TCF7L2: variants seen among roughly 807,000 people sequenced by gnomAD.
TCF7L2 encodes transcription factor 7-like 2.
In TCF7L2, 23 loss-of-function variants were observed where a neutral mutation model predicts 77.9. That is an observed-to-expected ratio of 0.30 (90% CI 0.21 to 0.42). The LOEUF (loss-of-function observed/expected upper bound fraction) is 0.42. Among genes scored for constraint, TCF7L2 ranks in the 10% least tolerant of loss-of-function variants. TCF7L2 has a pLI of 1.00. For synonymous variants in TCF7L2, 413 were observed against 340.2 expected (o/e 1.21, Z -2.36); for missense variants, 654 against 793.1 (o/e 0.82, Z 2.11).
In TCF7L2 at chr10:113,166,345, C is replaced by G. The variant is rs2074038909; in HGVS notation, c.*373C>G. 1 of 235,948 alleles carries G rather than the reference C, an allele frequency of 4.2e-6. No homozygotes were observed. Among genetic ancestry groups the G allele is most frequent in the Admixed American group, 5.6e-5 (1 of 17,820 alleles). The allele number at this position is 235,948 out of a possible 1,614,324, so 14.6% of individuals were successfully genotyped here. ...AAAAAGCAATTTTGAAGCAGCCCTC[C>G]AGAAGGAGTTGGTTCTGTATTATTT... On this transcript the variant is annotated 3_prime_UTR_variant, in exon 14 of 14. Coordinates refer to ENST00000627217, the MANE Select transcript of TCF7L2 (RefSeq NM_001146274.2).
At chr10:113,031,132 G>C (rs146120397) in intron 4 of TCF7L2, among the ~76,000 whole-genome samples, 1 of 152,208 alleles carries the variant, frequency 6.6e-6, no homozygotes, top group Non-Finnish European at 1.5e-5. Flanking sequence ...CCTCATAACT[G>C]TGTATAACTA....
intron 5 of TCF7L2, among the ~76,000 whole-genome samples, chr10:113,092,709 CA>C (rs1372669809): frequency 6.6e-6 from 1 of 152,070 alleles, no homozygotes; most frequent in African/African-American, 2.4e-5. Flanking sequence ...ACTAAAAATA[CA>C]AAAATTAACC....
chr10:113,104,941 G>T (rs1773760011), intron 5 of TCF7L2, among the ~76,000 whole-genome samples: 1 of 152,200 alleles, frequency 6.6e-6, no homozygotes. Flanking sequence ...ATATCAGATT[G>T]CTGGCTGATA....
At chr10:112,992,570 G>A (rs977308877) in intron 4 of TCF7L2, among the ~76,000 whole-genome samples, 8 of 152,078 alleles carry the variant, frequency 5.3e-5, no homozygotes, top group East Asian at 1.9e-4. Flanking sequence ...CTAAGATTGC[G>A]TTATCTTTAC....
At chr10:113,152,097 C>T (rs2070866052) in intron 10 of TCF7L2, among the ~76,000 whole-genome samples, 1 of 152,144 alleles carries the variant, frequency 6.6e-6, no homozygotes, top group African/African-American at 2.4e-5. Context: ...TTCCCCTACC[C>T]GAGCGAGTGA....
intron 3 of TCF7L2, among the ~76,000 whole-genome samples, chr10:112,955,834 C>T (rs949613765): frequency 3.3e-5 from 5 of 151,864 alleles, no homozygotes; most frequent in African/African-American, 1.2e-4. Flanking sequence ...GTTCTGCACG[C>T]CATTGAAAAA....
intron 5 of TCF7L2, among the ~76,000 whole-genome samples, chr10:113,087,219 T>G (rs941120737): frequency 6.6e-6 from 1 of 152,200 alleles, no homozygotes; most frequent in Non-Finnish European, 1.5e-5. Context: ...ATGTACAATT[T>G]CCTCTAAGAG....
At chr10:113,089,377 T>G in intron 5 of TCF7L2, 6 of 1,610,212 alleles carry the variant, frequency 3.7e-6, no homozygotes, top group Non-Finnish European at 5.1e-6. Context: ...CCTTACTCTG[T>G]TCCCCTTTCT....
intron 5 of TCF7L2, among the ~76,000 whole-genome samples, chr10:113,111,393 C>A (rs2063111911): frequency 6.6e-6 from 1 of 152,156 alleles, no homozygotes. Context: ...TTTATTGAAT[C>A]AGTGAATGAA....
intron 8 of TCF7L2, among the ~76,000 whole-genome samples, chr10:113,147,499 ATTAG>A (rs955759778): frequency 1.6e-4 from 24 of 152,184 alleles, no homozygotes; most frequent in Non-Finnish European, 3.1e-4. Flanking sequence ...CCATGCCAGT[ATTAG>A]TTAGGTAGGA....
chr10:113,038,967 A>G (rs1477035413), intron 4 of TCF7L2, among the ~76,000 whole-genome samples: 4 of 152,202 alleles, frequency 2.6e-5, no homozygotes, highest in Non-Finnish European at 2.9e-5. Context: ...GTGTCTCCTT[A>G]TATCTTATAT....
chr10:113,166,098 A>G lies in TCF7L2; in HGVS notation c.*126A>G. ...TAATTTTGTGCCATGTGGCTACATT[A>G]GTTGATGTTTATCGAGTTCATTGGT... On this transcript the variant is annotated 3_prime_UTR_variant, in exon 14 of 14. Transcript: ENST00000627217. 1 of 819,348 alleles carries G rather than the reference A, an allele frequency of 1.2e-6. No individual in the cohort carries two copies. The highest frequency in any genetic ancestry group is 2.5e-4 in the Middle Eastern group (1 of 4,046). The allele number at this position is 819,348 out of a possible 1,614,324, so 50.8% of individuals were successfully genotyped here.
At chr10:113,156,677 A>G (rs928255949) in intron 11 of TCF7L2, among the ~76,000 whole-genome samples, 18 of 152,340 alleles carry the variant, frequency 1.2e-4, no homozygotes, top group Admixed American at 2.0e-4. Flanking sequence ...GAGCAGATGG[A>G]TCAGGTTGGA....
Position 113,166,527 on chromosome 10 carries a change from G to A in TCF7L2, c.*555G>A, listed in dbSNP as rs368580149. ...TATTGTTTAAATGTACAGAAACAAA[G>A]GGTAAAAATGTGTTAATATACCTTG... On this transcript the variant is annotated 3_prime_UTR_variant, in exon 14 of 14. Transcript: ENST00000627217. 3.5e-5 allele frequency: 7 copies of A among 200,204 alleles called. No homozygotes were observed. The South Asian group carries it at 1.2e-3, about 35-fold the overall frequency. The allele number at this position is 200,204 out of a possible 1,614,324, so 12.4% of individuals were successfully genotyped here. A position where few individuals can be genotyped will look rare whatever the true frequency, so the allele number is the denominator to read the frequency against.
chr10:113,128,165 A>G (rs2065968675), intron 5 of TCF7L2, among the ~76,000 whole-genome samples: 1 of 152,126 alleles, frequency 6.6e-6, no homozygotes, highest in Admixed American at 6.5e-5. Context: ...TGTTACCACC[A>G]TGTAAAGGGA....
chr10:113,027,845 T>C (rs2049471920), intron 4 of TCF7L2, among the ~76,000 whole-genome samples: 1 of 152,090 alleles, frequency 6.6e-6, no homozygotes, highest in Non-Finnish European at 1.5e-5. Flanking sequence ...CCTGCAGCCC[T>C]GCTTCTCTGG....
At chr10:113,108,661 C>G (rs897686258) in intron 5 of TCF7L2, among the ~76,000 whole-genome samples, 1 of 152,196 alleles carries the variant, frequency 6.6e-6, no homozygotes, top group African/African-American at 2.4e-5. Flanking sequence ...CGGGGCGCCC[C>G]CTGCAGTATG....
At chr10:113,050,628 GA>G (rs570817810) in intron 5 of TCF7L2, among the ~76,000 whole-genome samples, 13 of 151,226 alleles carry the variant, frequency 8.6e-5, no homozygotes, top group Non-Finnish European at 1.5e-4. Context: ...TGGAACTCAG[GA>G]AAAAAAAATT....
chr10:113,109,906 T>C (rs2062900493), intron 5 of TCF7L2, among the ~76,000 whole-genome samples: 2 of 152,244 alleles, frequency 1.3e-5, no homozygotes, highest in South Asian at 4.1e-4. Flanking sequence ...TCTAATTAAA[T>C]CATGGCTTAT....
Sources: allele counts gnomAD v4.1 joint callset (sites outside exome capture counted in the v4.1 genomes callset), GRCh38; gene constraint gnomAD v4.1.1; transcripts MANE v1.5; gene names NCBI Gene and HGNC (gene_info 2026-07-23, HGNC 2026-07-21).